Variants in CAST observed in about 807,000 individuals in gnomAD.
The protein encoded by CAST is MIR583 host.
A neutral mutation model predicts 119.6 loss-of-function variants in CAST; 76 were observed. The ratio of observed to expected loss-of-function variants is 0.64; its 90% CI spans 0.53 to 0.77. CAST has a LOEUF of 0.77. Among genes scored for constraint, CAST ranks in the 30% least tolerant of loss-of-function variants. The pLI is 0.00. For synonymous variants in CAST, 319 were observed against 331.6 expected, an observed-to-expected ratio of 0.96 and a Z score of 0.41; for missense variants, 953 against 946.5, an observed-to-expected ratio of 1.01 and a Z score of -0.09.
the CAST span, among the ~76,000 whole-genome samples, chr5:96,458,490 A>T: frequency 6.6e-5 from 10 of 152,224 alleles, no homozygotes; most frequent in Non-Finnish European, 1.5e-4. Context: ...GGTTTTTGCC[A>T]AGGAAAGACA....
At chr5:96,290,379 G>A in the CAST span, among the ~76,000 whole-genome samples, 1 of 152,118 alleles carries the variant, frequency 6.6e-6, no homozygotes, top group African/African-American at 2.4e-5. Flanking sequence ...TTTTCATAAG[G>A]CAATGAGTGA....
chr5:96,475,683 A>G, the CAST span, among the ~76,000 whole-genome samples: 1 of 152,278 alleles, frequency 6.6e-6, no homozygotes, highest in African/African-American at 2.4e-5. Flanking sequence ...TGTAACAAGC[A>G]GGGGGTCTGG....
At chr5:96,101,357 C>T in the CAST span, among the ~76,000 whole-genome samples, 1 of 152,198 alleles carries the variant, frequency 6.6e-6, no homozygotes, top group Non-Finnish European at 1.5e-5. Flanking sequence ...TTAAATGAGA[C>T]AACACATGTG....
At position 96,627,571 on chromosome 5, in the gene CAST, C is replaced by G. The variant is rs144575820; in HGVS notation, c.61-47968C>G. On this transcript the variant is annotated intron_variant, in intron 1 of 11. Coordinates refer to the CAST transcript ENST00000505143. ...ATTTGGGATCCACCTTGTGAAAAAT[C>G]TTAGAAAGCTATAAAAATGTAAAAA... Among the ~76,000 whole-genome samples, 394 of 152,222 alleles carry G rather than the reference C, an allele frequency of 2.6e-3. 2 individuals carry two copies. Among genetic ancestry groups the G allele is most frequent in the African/African-American group, 9.2e-3 (382 of 41,526 alleles).
At chr5:95,968,177 G>A in the CAST span, among the ~76,000 whole-genome samples, 1 of 152,028 alleles carries the variant, frequency 6.6e-6, no homozygotes. Context: ...TTTTTTTGTT[G>A]GTCTTGAAAG....
chr5:96,355,697 C>T, the CAST span, among the ~76,000 whole-genome samples: 2 of 151,890 alleles, frequency 1.3e-5, no homozygotes, highest in Non-Finnish European at 2.9e-5. Flanking sequence ...TCTGTTGTTT[C>T]CTGACGTCTT....
At chr5:96,326,588 T>C in the CAST span, among the ~76,000 whole-genome samples, 286 of 152,240 alleles carry the variant, frequency 1.9e-3, 1 homozygote, top group South Asian at 4.6e-3. Context: ...CTTTAATTTG[T>C]ACGTACCTCA....
At chr5:96,025,689 C>T in the CAST span, among the ~76,000 whole-genome samples, 1 of 152,150 alleles carries the variant, frequency 6.6e-6, no homozygotes, top group African/African-American at 2.4e-5. Context: ...AATAGAAAAA[C>T]AAGCTGCAGA....
chr5:96,155,738 C>CT, the CAST span, among the ~76,000 whole-genome samples: 1 of 152,192 alleles, frequency 6.6e-6, no homozygotes, highest in South Asian at 2.1e-4. Flanking sequence ...TCTCCTCTCC[C>CT]TTCTCCCCTC....
chr5:96,408,356 G>C, the CAST span: 2 of 1,474,858 alleles, frequency 1.4e-6, no homozygotes, highest in Non-Finnish European at 1.9e-6. Context: ...GAAAGGCAGG[G>C]AGAACACGTG....
the CAST span, among the ~76,000 whole-genome samples, chr5:96,112,934 C>T: frequency 2.0e-5 from 3 of 152,282 alleles, no homozygotes; most frequent in Non-Finnish European, 2.9e-5. Flanking sequence ...ATATCTCTTT[C>T]TATTGAATGC....
the CAST span, among the ~76,000 whole-genome samples, chr5:96,468,777 T>A: frequency 6.6e-6 from 1 of 152,044 alleles, no homozygotes; most frequent in African/African-American, 2.4e-5. Flanking sequence ...TTGGGCATGT[T>A]ATTAAGCTGC....
At chr5:96,671,417 G>A (rs1242000029) in intron 1 of CAST, among the ~76,000 whole-genome samples, 3 of 152,048 alleles carry the variant, frequency 2.0e-5, no homozygotes, top group African/African-American at 7.2e-5. Context: ...CAGATCACCC[G>A]CATGCTCTAA....
chr5:96,577,073 A>C (rs908043428), intron 1 of CAST, among the ~76,000 whole-genome samples: 6 of 152,194 alleles, frequency 3.9e-5, no homozygotes, highest in Non-Finnish European at 8.8e-5. Flanking sequence ...TACAAGTGAG[A>C]ACATGTGGGT....
At chr5:96,336,236 G>A in the CAST span, among the ~76,000 whole-genome samples, 1 of 152,154 alleles carries the variant, frequency 6.6e-6, no homozygotes, top group Non-Finnish European at 1.5e-5. Flanking sequence ...TTCTCTGCAA[G>A]TCTTCTGTTC....
the CAST span, among the ~76,000 whole-genome samples, chr5:96,373,963 A>G: frequency 1.3e-5 from 2 of 151,956 alleles, no homozygotes; most frequent in African/African-American, 4.8e-5. Flanking sequence ...ACTTGAATTC[A>G]TTGTTTTTGC....
intron 3 of CAST, among the ~76,000 whole-genome samples, chr5:96,718,796 A>G (rs1279814098): frequency 6.6e-6 from 1 of 152,148 alleles, no homozygotes; most frequent in African/African-American, 2.4e-5. Context: ...GTGAAGGGCA[A>G]GTAGTGTTGC....
At chr5:96,485,270 T>C in the CAST span, among the ~76,000 whole-genome samples, 2 of 152,282 alleles carry the variant, frequency 1.3e-5, no homozygotes. Flanking sequence ...GTTGCCCAAG[T>C]TGACCAGTCA....
At chr5:96,620,182 G>A (rs1026842064) in intron 1 of CAST, among the ~76,000 whole-genome samples, 2 of 152,066 alleles carry the variant, frequency 1.3e-5, no homozygotes, top group African/African-American at 4.8e-5. Flanking sequence ...TTGTCCTCTA[G>A]AGCCTGTAGG....
Sources: allele counts gnomAD v4.1 joint callset (sites outside exome capture counted in the v4.1 genomes callset), GRCh38; gene constraint gnomAD v4.1.1; transcripts MANE v1.5; gene names NCBI Gene and HGNC (gene_info 2026-07-23, HGNC 2026-07-21).